DAPK1: variants seen among roughly 807,000 people sequenced by gnomAD.
DAPK1 encodes the protein death-associated protein kinase 1.
In DAPK1, 56 loss-of-function variants were observed where a neutral mutation model predicts 144.9. The ratio of observed to expected loss-of-function variants is 0.39; its 90% CI spans 0.31 to 0.48. The LOEUF (loss-of-function observed/expected upper bound fraction) is 0.48. Ranked by LOEUF, DAPK1 falls within the 20% of genes least tolerant of loss-of-function variation. DAPK1 has a pLI of 0.95. For synonymous variants in DAPK1, 690 were observed against 749.0 expected, an observed-to-expected ratio of 0.92 and a Z score of 1.29; for missense variants, 1,454 against 1,875.4, an observed-to-expected ratio of 0.78 and a Z score of 4.15.
At chr9:87,512,806 A>T (rs569112667) in intron 2 of DAPK1, among the ~76,000 whole-genome samples, 1 of 152,106 alleles carries the variant, frequency 6.6e-6, no homozygotes, top group Non-Finnish European at 1.5e-5. Flanking sequence ...ATGCCCAGCT[A>T]ATTTTTGTAT....
intron 2 of DAPK1, among the ~76,000 whole-genome samples, chr9:87,533,787 C>T (rs11141870): frequency 0.45 from 68,199 of 151,972 alleles, 15,582 homozygotes; most frequent in South Asian, 0.58. Context: ...CTCAGCCTTC[C>T]GAATATCTGG....
intron 19 of DAPK1, among the ~76,000 whole-genome samples, chr9:87,670,522 G>A (rs898461755): frequency 2.0e-5 from 3 of 152,182 alleles, no homozygotes; most frequent in African/African-American, 4.8e-5. Context: ...TAGCTTTACC[G>A]AGTGCATAAG....
At chr9:87,556,296 A>C (rs1826712052) in intron 2 of DAPK1, among the ~76,000 whole-genome samples, 1 of 152,148 alleles carries the variant, frequency 6.6e-6, no homozygotes, top group Non-Finnish European at 1.5e-5. Context: ...TGTTGATTTT[A>C]TGGAGGAGGA....
At chr9:87,662,367 A>G (rs143265897) in intron 18 of DAPK1, among the ~76,000 whole-genome samples, 1 of 152,112 alleles carries the variant, frequency 6.6e-6, no homozygotes, top group East Asian at 1.9e-4. Flanking sequence ...AAATGAGGTG[A>G]GTATTTTGAT....
In DAPK1 at chr9:87,650,020, G is replaced by C. The variant is rs753708136; in HGVS notation, c.1528G>C (p.Glu510Gln). 7 of 1,614,050 alleles carry C rather than the reference G, an allele frequency of 4.3e-6. No homozygotes were observed. The highest frequency in any genetic ancestry group is 2.7e-5 in the African/African-American group (2 of 74,942). Reference protein sequence around the residue: ...AGCNVNIKNREGETPLLTASA... With the variant: ...AGCNVNIKNRQGETPLLTASA... ...CTGTAACGTGAACATCAAGAACCGAGAAGGAGAGACGCCCCTCCTGACAGC... is the reference window on the plus strand; with the variant it reads ...CTGTAACGTGAACATCAAGAACCGACAAGGAGAGACGCCCCTCCTGACAGC... Residue 510 changes from glutamate to glutamine, a missense_variant, in exon 16 of 26, where the codon GAA (glutamate) becomes CAA (glutamine). By Grantham distance (29) the Glu-to-Gln change is conservative (BLOSUM62 2). Coordinates refer to ENST00000408954, the MANE Select transcript of DAPK1 (RefSeq NM_004938.4).
At chr9:87,497,848 G>T (rs927478611), upstream of DAPK1, 29 of 391,194 alleles carry the variant, frequency 7.4e-5, no homozygotes, top group African/African-American at 5.6e-4. Flanking sequence ...CCCAAAAGGC[G>T]GCAAGGAGCC....
intron 18 of DAPK1, among the ~76,000 whole-genome samples, chr9:87,662,491 T>C (rs2119240319): frequency 6.6e-6 from 1 of 151,988 alleles, no homozygotes; most frequent in Admixed American, 6.6e-5. Flanking sequence ...TCATCTATAA[T>C]TTGTTTCATT....
At chr9:87,603,373 T>A (rs965223067) in intron 2 of DAPK1, among the ~76,000 whole-genome samples, 1 of 152,126 alleles carries the variant, frequency 6.6e-6, no homozygotes, top group Non-Finnish European at 1.5e-5. Flanking sequence ...TTACAGGCAG[T>A]CGGTGCTGGC....
intron 2 of DAPK1, among the ~76,000 whole-genome samples, chr9:87,520,844 A>G (rs1239197554): frequency 6.6e-6 from 1 of 152,242 alleles, no homozygotes; most frequent in Non-Finnish European, 1.5e-5. Context: ...CTATACATGT[A>G]CTGATACAAA....
At chr9:87,701,965 A>G (rs1779371096) in intron 24 of DAPK1, 2 of 446,022 alleles carry the variant, frequency 4.5e-6, no homozygotes, top group Non-Finnish European at 4.7e-6. Context: ...CTGGGAACTA[A>G]CAGTGGTCTC....
At chr9:87,688,674 C>T (rs1824952320) in intron 21 of DAPK1, among the ~76,000 whole-genome samples, 1 of 152,046 alleles carries the variant, frequency 6.6e-6, no homozygotes, top group African/African-American at 2.4e-5. Context: ...TTGCATTTCT[C>T]TGATGATTAG....
chr9:87,670,672 G>A (rs1019167614), intron 19 of DAPK1, among the ~76,000 whole-genome samples: 1 of 152,104 alleles, frequency 6.6e-6, no homozygotes, highest in African/African-American at 2.4e-5. Flanking sequence ...CTCACACAGC[G>A]CCAGCACTTC....
intron 21 of DAPK1, among the ~76,000 whole-genome samples, chr9:87,692,104 A>G (rs1449004155): frequency 1.3e-5 from 2 of 150,258 alleles, no homozygotes; most frequent in South Asian, 2.1e-4. Context: ...ATATTGTTGT[A>G]TTGAAGTCTA....
At chr9:87,511,668 T>TTGTGTGTGTG (rs59377718) in intron 2 of DAPK1, among the ~76,000 whole-genome samples, 5,670 of 140,654 alleles carry the variant, frequency 0.04, 232 homozygotes, top group African/African-American at 0.086. Context: ...TCTTTTTCTT[T>TTGTGTGTGTG]TGTGTGTGTG....
chr9:87,655,273 C>A (rs1587816121), intron 17 of DAPK1, among the ~76,000 whole-genome samples: 1 of 152,196 alleles, frequency 6.6e-6, no homozygotes, highest in East Asian at 1.9e-4. Flanking sequence ...CCCAGGTTGG[C>A]TTTGATGCTC....
At chr9:87,527,441 C>T (rs1473088564) in intron 2 of DAPK1, among the ~76,000 whole-genome samples, 1 of 152,190 alleles carries the variant, frequency 6.6e-6, no homozygotes, top group African/African-American at 2.4e-5. Flanking sequence ...TCCATTGTTA[C>T]TCACCGGCCT....
intron 3 of DAPK1, among the ~76,000 whole-genome samples, chr9:87,629,836 C>A (rs1267464293): frequency 1.3e-5 from 2 of 152,194 alleles, no homozygotes; most frequent in Admixed American, 1.3e-4. Flanking sequence ...GATTCTAAAT[C>A]CCCCTTCCCT....
intron 2 of DAPK1, among the ~76,000 whole-genome samples, chr9:87,581,685 A>G (rs1231624010): frequency 3.3e-5 from 5 of 152,152 alleles, no homozygotes; most frequent in Admixed American, 2.6e-4. Flanking sequence ...GTCAAAAGCA[A>G]TGTGGTCACA....
intron 17 of DAPK1, among the ~76,000 whole-genome samples, chr9:87,655,745 C>T (rs758025911): frequency 9.2e-5 from 14 of 152,110 alleles, no homozygotes; most frequent in Non-Finnish European, 8.8e-5. Flanking sequence ...TTAGAAAGCA[C>T]GGAAAGGAAA....
Sources: allele counts gnomAD v4.1 joint callset (sites outside exome capture counted in the v4.1 genomes callset), GRCh38; gene constraint gnomAD v4.1.1; transcripts MANE v1.5; gene names NCBI Gene and HGNC (gene_info 2026-07-23, HGNC 2026-07-21).